The following EXOC6B variants were observed in gnomAD, a reference collection of about 807,000 sequenced individuals.
The protein encoded by EXOC6B is exocyst complex component 6B.
Under a neutral mutation model 113.5 loss-of-function variants are expected in EXOC6B, and 54 were observed. The ratio of observed to expected loss-of-function variants is 0.48; its 90% CI spans 0.38 to 0.60. The LOEUF (loss-of-function observed/expected upper bound fraction) is 0.60. EXOC6B is among the 20% of genes least tolerant of loss of function. EXOC6B has a pLI of 0.00. For missense variants in EXOC6B, 797 were observed against 977.5 expected, an observed-to-expected ratio of 0.82 and a Z score of 2.46; for synonymous variants, 357 against 339.0, an observed-to-expected ratio of 1.05 and a Z score of -0.58.
At chr2:72,378,217 G>A (rs138056594) in intron 19 of EXOC6B, among the ~76,000 whole-genome samples, 6 of 152,214 alleles carry the variant, frequency 3.9e-5, no homozygotes, top group South Asian at 2.1e-4. Context: ...TGTTTTTACC[G>A]AAGACTCAAG....
At chr2:72,636,275 AG>A (rs1290033136) in intron 6 of EXOC6B, among the ~76,000 whole-genome samples, 26 of 140,788 alleles carry the variant, frequency 1.8e-4, no homozygotes, top group Non-Finnish European at 3.3e-4. Flanking sequence ...AAAAAAGGGA[AG>A]GAAAAATGGA....
At chr2:72,320,824 A>C (rs1687806043) in intron 20 of EXOC6B, among the ~76,000 whole-genome samples, 2 of 152,220 alleles carry the variant, frequency 1.3e-5, no homozygotes, top group South Asian at 4.1e-4. Context: ...AACTTTCACT[A>C]CTCAATAATA....
At chr2:72,576,228 T>C (rs1461368670) in intron 6 of EXOC6B, among the ~76,000 whole-genome samples, 1 of 152,080 alleles carries the variant, frequency 6.6e-6, no homozygotes, top group Non-Finnish European at 1.5e-5. Context: ...GTAAGTGATT[T>C]GAACTAAGTA....
In EXOC6B at chr2:72,577,457, C is replaced by T. The variant is rs555339462; in HGVS notation, c.670-1789G>A. Among the ~76,000 whole-genome samples, 16 of 152,108 alleles carry T rather than the reference C, an allele frequency of 1.1e-4. No homozygotes were observed. The South Asian group carries it at 3.1e-3, about 30-fold the overall frequency. On this transcript the variant is annotated intron_variant, in intron 6 of 21. Transcript: ENST00000272427. ...CAACTAGAGAGTGATCATTTGCTCC[C>T]TTAACTCTATCCTCTTGCAGTACAG...
chr2:72,370,202 G>T (rs1250529285), intron 19 of EXOC6B, among the ~76,000 whole-genome samples: 2 of 152,104 alleles, frequency 1.3e-5, no homozygotes, highest in Non-Finnish European at 2.9e-5. Context: ...GTGGGCGAAG[G>T]ATATGAACAG....
At chr2:72,453,971 A>G (rs1697059411) in intron 18 of EXOC6B, among the ~76,000 whole-genome samples, 1 of 152,176 alleles carries the variant, frequency 6.6e-6, no homozygotes. Context: ...CAGGAGAGAG[A>G]ATGAGTGCTG....
At chr2:72,281,531 A>C (rs1052994735) in intron 20 of EXOC6B, among the ~76,000 whole-genome samples, 2 of 152,084 alleles carry the variant, frequency 1.3e-5, no homozygotes, top group Non-Finnish European at 2.9e-5. Context: ...GAGATTTAAG[A>C]ACAGATTGGA....
intron 17 of EXOC6B, among the ~76,000 whole-genome samples, chr2:72,473,999 C>T (rs893044566): frequency 1.3e-5 from 2 of 150,774 alleles, no homozygotes; most frequent in East Asian, 3.9e-4. Flanking sequence ...TGTATTTCTC[C>T]TTCATTTATG....
At chr2:72,291,850 T>G (rs1173794465) in intron 20 of EXOC6B, among the ~76,000 whole-genome samples, 1 of 152,116 alleles carries the variant, frequency 6.6e-6, no homozygotes, top group East Asian at 1.9e-4. Context: ...ATTGAAATAT[T>G]CATAAAAATT....
At chr2:72,504,411 T>A (rs567493460) in intron 11 of EXOC6B, among the ~76,000 whole-genome samples, 5 of 152,344 alleles carry the variant, frequency 3.3e-5, no homozygotes, top group Admixed American at 6.5e-5. Flanking sequence ...GCCATATGTA[T>A]AATTTTCTTT....
chr2:72,195,338 A>G (rs374372264), intron 20 of EXOC6B, among the ~76,000 whole-genome samples: 1 of 152,154 alleles, frequency 6.6e-6, no homozygotes, highest in Non-Finnish European at 1.5e-5. Flanking sequence ...CTATTATCAC[A>G]CTGGCTGATA....
chr2:72,586,557 C>A (rs1029357921), intron 6 of EXOC6B, among the ~76,000 whole-genome samples: 2 of 152,034 alleles, frequency 1.3e-5, no homozygotes, highest in Non-Finnish European at 2.9e-5. Flanking sequence ...TCGAGACCAT[C>A]CTGGTCAACA....
chr2:72,771,693 G>T (rs1382666385), intron 1 of EXOC6B, among the ~76,000 whole-genome samples: 1 of 152,138 alleles, frequency 6.6e-6, no homozygotes, highest in Non-Finnish European at 1.5e-5. Context: ...ATTACTGAGA[G>T]CCTGGATGTG....
chr2:72,578,425 G>T (rs770790442), intron 6 of EXOC6B, among the ~76,000 whole-genome samples: 8 of 151,942 alleles, frequency 5.3e-5, no homozygotes, highest in Non-Finnish European at 8.8e-5. Flanking sequence ...CTCCTAATAC[G>T]CTGGGTAAAT....
At chr2:72,304,552 A>G (rs1253781286) in intron 20 of EXOC6B, among the ~76,000 whole-genome samples, 1 of 152,204 alleles carries the variant, frequency 6.6e-6, no homozygotes, top group Non-Finnish European at 1.5e-5. Context: ...TAATTTCCAT[A>G]GTTAGAAAAG....
chr2:72,401,582 C>CATAT (rs1197072759), intron 18 of EXOC6B, among the ~76,000 whole-genome samples: 431 of 18,364 alleles, frequency 0.023, 35 homozygotes, highest in South Asian at 0.038. Flanking sequence ...TATATATATA[C>CATAT]ATATATATAT....
At chr2:72,397,419 G>C (rs1296180017) in intron 18 of EXOC6B, among the ~76,000 whole-genome samples, 1 of 151,820 alleles carries the variant, frequency 6.6e-6, no homozygotes, top group Non-Finnish European at 1.5e-5. Flanking sequence ...AGGAGATCGA[G>C]ACCATCCTGG....
At chr2:72,313,741 A>T (rs1190820312) in intron 20 of EXOC6B, among the ~76,000 whole-genome samples, 2 of 150,816 alleles carry the variant, frequency 1.3e-5, no homozygotes, top group Admixed American at 1.3e-4. Context: ...AACTAACATA[A>T]AATTACAGCT....
At chr2:72,536,222 C>T (rs1166117597) in intron 8 of EXOC6B, among the ~76,000 whole-genome samples, 6 of 152,128 alleles carry the variant, frequency 3.9e-5, no homozygotes, top group Admixed American at 2.6e-4. Flanking sequence ...ATATAAGATA[C>T]GTCATTCAAG....
Sources: gnomAD v4.1 joint callset for allele counts (sites outside exome capture counted in the v4.1 genomes callset) on GRCh38, gnomAD v4.1.1 for gene constraint, MANE v1.5 for transcripts, NCBI Gene and HGNC (gene_info 2026-07-23, HGNC 2026-07-21) for gene names.